NDST4: variants seen among roughly 807,000 people sequenced by gnomAD.
NDST4 encodes N-heparan sulfate sulfotransferase 4.
Under a neutral mutation model 100.8 loss-of-function variants are expected in NDST4, and 63 were observed. That is an observed-to-expected ratio of 0.62 (90% confidence interval 0.51 to 0.77). The LOEUF is 0.77. Among genes scored for constraint, NDST4 ranks in the 30% least tolerant of loss-of-function variants. The pLI is 0.00. For missense variants in NDST4, 943 were observed against 1,018.4 expected (o/e 0.93, Z 1.01); for synonymous variants, 377 against 361.8 (o/e 1.04, Z -0.48).
chr4:114,972,678 G>C (rs1268565091), intron 3 of NDST4, among the ~76,000 whole-genome samples: 1 of 152,004 alleles, frequency 6.6e-6, no homozygotes. Context: ...TATGATGAAA[G>C]AATTGATAGT....
intron 2 of NDST4, among the ~76,000 whole-genome samples, chr4:115,061,057 CAT>C (rs1349774662): frequency 5.3e-5 from 8 of 152,042 alleles, no homozygotes; most frequent in East Asian, 1.9e-4. Flanking sequence ...AGCCAACAAA[CAT>C]ATGAAAAAAA....
chr4:114,901,842 T>G (rs1234615679), intron 6 of NDST4, among the ~76,000 whole-genome samples: 1 of 151,892 alleles, frequency 6.6e-6, no homozygotes, highest in Non-Finnish European at 1.5e-5. Flanking sequence ...TTCTTCTTCT[T>G]CATTTTTTTA....
chr4:114,828,363 A>C (rs1328629843), intron 13 of NDST4, among the ~76,000 whole-genome samples: 3 of 152,158 alleles, frequency 2.0e-5, no homozygotes, highest in South Asian at 4.1e-4. Flanking sequence ...GCATAATCAT[A>C]AAAACTAAAA....
At chr4:114,910,130 G>T (rs1412425404) in intron 6 of NDST4, among the ~76,000 whole-genome samples, 1 of 152,164 alleles carries the variant, frequency 6.6e-6, no homozygotes, top group Non-Finnish European at 1.5e-5. Context: ...GAAGAGATAT[G>T]ATCACAGGTT....
At chr4:114,840,750 G>T (rs1434117967) in intron 10 of NDST4, among the ~76,000 whole-genome samples, 4 of 152,178 alleles carry the variant, frequency 2.6e-5, no homozygotes, top group Non-Finnish European at 1.5e-5. Flanking sequence ...TAGGGTAAAT[G>T]TGGAAGTATA....
chr4:114,969,304 A>C (rs1726453626), intron 4 of NDST4, among the ~76,000 whole-genome samples: 1 of 137,658 alleles, frequency 7.3e-6, no homozygotes, highest in African/African-American at 2.9e-5. Context: ...ACAGAGCGAG[A>C]CTCCGTCTCA....
At chr4:114,965,701 C>T (rs1484562938) in intron 4 of NDST4, among the ~76,000 whole-genome samples, 1 of 151,934 alleles carries the variant, frequency 6.6e-6, no homozygotes, top group African/African-American at 2.4e-5. Context: ...CTGAAAAGCC[C>T]TACTGGCTTG....
At chr4:114,959,838 A>G (rs756150750) in intron 4 of NDST4, among the ~76,000 whole-genome samples, 10 of 152,226 alleles carry the variant, frequency 6.6e-5, no homozygotes, top group Non-Finnish European at 1.2e-4. Flanking sequence ...GATTATCAAA[A>G]GAGTGAAGGG....
chr4:114,921,735 A>G (rs753446520), intron 6 of NDST4, among the ~76,000 whole-genome samples: 3 of 151,972 alleles, frequency 2.0e-5, no homozygotes, highest in Non-Finnish European at 4.4e-5. Flanking sequence ...ATAAGACAAG[A>G]TTTTCTGAGT....
In NDST4 at chr4:114,889,319, C is replaced by G. The variant is rs960021204; in HGVS notation, c.1537-18369G>C. Among the ~76,000 whole-genome samples the G allele has an allele frequency of 2.0e-5, 3 of 152,152 alleles. No individual in the cohort carries two copies. The East Asian group carries it at 5.8e-4, about 29-fold the overall frequency. On this transcript the variant is annotated intron_variant, in intron 6 of 13. Coordinates refer to ENST00000264363, the MANE Select transcript of NDST4 (RefSeq NM_022569.3). ...TTAGTGGATTTTGATCCCACTTACT[C>G]TAGACAGGTGATGAATATACAAATT...
rs1257794469 is a variant in NDST4, at chr4:114,937,327, A to G, written c.1398T>C (p.Asn466=). The change falls in exon 5 of 14, where the codon AAT becomes AAC. Residue 466 remains asparagine (N), a synonymous_variant. Coordinates refer to ENST00000264363, the MANE Select transcript of NDST4 (RefSeq NM_022569.3). ...GGCTCTCTGTGCTCACCATGATGCT[A>G]TTGTGAATGAAGCCCTTTCTGTACC... ...PARYRKGFIH[N]SIMVLPRQTC... The G allele has an allele frequency of 1.2e-6, 2 of 1,614,118 alleles. No homozygotes were observed. The highest frequency in any genetic ancestry group is 1.7e-6 in the Non-Finnish European group (2 of 1,179,980).
At chr4:115,051,239 T>C (rs541595699) in intron 2 of NDST4, among the ~76,000 whole-genome samples, 12 of 152,278 alleles carry the variant, frequency 7.9e-5, no homozygotes, top group Non-Finnish European at 1.6e-4. Context: ...TGTCTTCATC[T>C]CGTTTATTTA....
At chr4:115,047,424 G>A (rs544215855) in intron 2 of NDST4, among the ~76,000 whole-genome samples, 2 of 151,862 alleles carry the variant, frequency 1.3e-5, no homozygotes, top group South Asian at 4.2e-4. Context: ...TCCTTGCCCT[G>A]GTACATGAAA....
At chr4:115,007,137 T>C (rs1727437581) in intron 2 of NDST4, among the ~76,000 whole-genome samples, 1 of 152,296 alleles carries the variant, frequency 6.6e-6, no homozygotes, top group East Asian at 1.9e-4. Context: ...TTAAACTTGT[T>C]GAGCCAGACA....
At chr4:114,999,310 G>A (rs774524062) in intron 2 of NDST4, among the ~76,000 whole-genome samples, 1 of 151,950 alleles carries the variant, frequency 6.6e-6, no homozygotes, top group Admixed American at 6.6e-5. Flanking sequence ...ATCCTGGTCC[G>A]CTGTGTACTA....
intron 2 of NDST4, among the ~76,000 whole-genome samples, chr4:115,025,495 AAG>A: frequency 6.6e-6 from 1 of 152,138 alleles, no homozygotes; most frequent in Admixed American, 6.6e-5. Context: ...AAAATTGAGG[AAG>A]ATTATTGAGA....
rs866926824 is a variant in NDST4 at position 114,845,361 on chromosome 4, G to T, written c.2115+462C>A. 1.8e-4 allele frequency among the ~76,000 whole-genome samples: 27 copies of T among 152,200 alleles called. No homozygotes were observed. The Middle Eastern group carries it at 0.01, about 58-fold the overall frequency. The stretch of plus-strand genomic sequence containing the variant: ...TGGGTTGATTATTTTCACATAAGTT[G>T]TTGGACTGTTGTTTTTGTGTGTGCG... On this transcript the variant is annotated intron_variant, in intron 10 of 13. Transcript: ENST00000264363.
At position 115,076,198 on chromosome 4, in the gene NDST4, T is replaced by C; in HGVS notation, c.839A>G (p.His280Arg). ...LFGNNLNFWL[H>R]KLIFIDAISF... Reference sequence around the variant, plus strand: ...GATGGCATCTATGAAGATGAGCTTGTGCAGCCAAAAGTTCAAGTTGTTGCC... The same window carrying C: ...GATGGCATCTATGAAGATGAGCTTGCGCAGCCAAAAGTTCAAGTTGTTGCC... The change falls in exon 2 of 14, where the codon CAC becomes CGC. Residue 280 changes from histidine to arginine, a missense_variant. Physicochemically the swap from His to Arg is conservative, Grantham distance 29. Transcript: ENST00000264363. The C allele has an allele frequency of 6.2e-7, 1 of 1,614,014 alleles. No homozygotes were observed. The highest frequency in any genetic ancestry group is 1.1e-5 in the South Asian group (1 of 91,082).
intron 2 of NDST4, among the ~76,000 whole-genome samples, chr4:114,979,299 C>G (rs543755838): frequency 4.0e-5 from 6 of 151,324 alleles, no homozygotes; most frequent in Non-Finnish European, 8.9e-5. Context: ...TTATTTTTGA[C>G]TTTATTGCAT....
Sources: allele counts gnomAD v4.1 joint callset (sites outside exome capture counted in the v4.1 genomes callset), GRCh38; gene constraint gnomAD v4.1.1; transcripts MANE v1.5; gene names NCBI Gene and HGNC (gene_info 2026-07-23, HGNC 2026-07-21).